The following IGSF11 variants were observed in gnomAD, a reference collection of about 807,000 sequenced individuals.
IGSF11 encodes the protein immunoglobulin superfamily member 11.
In IGSF11, 22 loss-of-function variants were observed where a neutral mutation model predicts 41.0. The observed-to-expected ratio is 0.54, with a 90% CI of 0.38 to 0.77. The LOEUF (loss-of-function observed/expected upper bound fraction) is 0.77, where lower values mean the gene tolerates loss of function less well. Among genes scored for constraint, IGSF11 ranks in the 30% least tolerant of loss-of-function variants. The pLI is 0.00. For missense variants in IGSF11, 444 were observed against 530.8 expected (o/e 0.84, Z 1.61); for synonymous variants, 219 against 201.3 (o/e 1.09, Z -0.74).
intron 1 of IGSF11, among the ~76,000 whole-genome samples, chr3:119,083,881 A>T (rs552374518): frequency 1.3e-5 from 2 of 152,200 alleles, no homozygotes; most frequent in South Asian, 4.1e-4. Flanking sequence ...TTAAAAATTT[A>T]ATGTAAATAG....
intron 1 of IGSF11, among the ~76,000 whole-genome samples, chr3:118,930,897 C>CA (rs368504718): frequency 0.011 from 1,699 of 152,144 alleles, 23 homozygotes; most frequent in Middle Eastern, 0.024. Flanking sequence ...TATAGAAAGA[C>CA]AAAGAACTAG....
At chr3:119,071,204 C>A (rs1456036291) in intron 1 of IGSF11, among the ~76,000 whole-genome samples, 4 of 152,258 alleles carry the variant, frequency 2.6e-5, no homozygotes, top group East Asian at 1.9e-4. Flanking sequence ...AGATAAGAGG[C>A]AAAATGGGCA....
intron 1 of IGSF11, among the ~76,000 whole-genome samples, chr3:118,976,281 T>C (rs1385030078): frequency 2.6e-5 from 4 of 152,240 alleles, no homozygotes; most frequent in Admixed American, 2.0e-4. Context: ...ATGAAGTCAA[T>C]GTCTTCTCCT....
chr3:119,049,803 G>A (rs368616737), intron 1 of IGSF11, among the ~76,000 whole-genome samples: 8 of 150,136 alleles, frequency 5.3e-5, no homozygotes, highest in Non-Finnish European at 7.4e-5. Flanking sequence ...AAACAGAGAT[G>A]TAGATCAATG....
intron 1 of IGSF11, among the ~76,000 whole-genome samples, chr3:118,942,279 C>T (rs1943755767): frequency 1.3e-5 from 2 of 152,148 alleles, no homozygotes; most frequent in Admixed American, 6.5e-5. Context: ...AAGAAAATTG[C>T]TGCAACTGTC....
At chr3:119,034,432 G>C (rs1208665472) in intron 1 of IGSF11, 99 bp downstream of exon 1, 1 of 1,197,344 alleles carries the variant, frequency 8.4e-7, no homozygotes, top group Non-Finnish European at 1.1e-6. Flanking sequence ...CCCGACCCTC[G>C]GCAAAGCAAG....
chr3:119,021,344 T>C (rs1939268910), intron 1 of IGSF11, among the ~76,000 whole-genome samples: 1 of 151,972 alleles, frequency 6.6e-6, no homozygotes, highest in South Asian at 2.1e-4. Flanking sequence ...GATATGACAG[T>C]GATAAAGATG....
At chr3:118,954,902 T>TA (rs1392682455) in intron 1 of IGSF11, among the ~76,000 whole-genome samples, 1 of 151,856 alleles carries the variant, frequency 6.6e-6, no homozygotes, top group African/African-American at 2.4e-5. Flanking sequence ...ATAAAAAAAA[T>TA]AGATATTGGC....
intron 1 of IGSF11, among the ~76,000 whole-genome samples, chr3:118,946,613 GT>G (rs1944163849): frequency 6.6e-6 from 1 of 152,118 alleles, no homozygotes; most frequent in South Asian, 2.1e-4. Flanking sequence ...TGTGTCCAAT[GT>G]ATGTCATACT....
chr3:119,020,319 G>T (rs565024788), intron 1 of IGSF11, among the ~76,000 whole-genome samples: 1 of 152,228 alleles, frequency 6.6e-6, no homozygotes, highest in South Asian at 2.1e-4. Flanking sequence ...CAGGAGCACT[G>T]CCTCAGACTC....
chr3:118,908,154 A>G (rs1366473067), intron 4 of IGSF11, among the ~76,000 whole-genome samples: 1 of 152,164 alleles, frequency 6.6e-6, no homozygotes, highest in African/African-American at 2.4e-5. Flanking sequence ...ACAATTTGGG[A>G]AATTTTAAAC....
chr3:119,078,289 A>G (rs1025492386), intron 1 of IGSF11, among the ~76,000 whole-genome samples: 2 of 152,258 alleles, frequency 1.3e-5, no homozygotes, highest in Non-Finnish European at 2.9e-5. Flanking sequence ...TACATTAACC[A>G]AAACAGCATG....
chr3:119,082,352 G>A (rs191653946), intron 1 of IGSF11, among the ~76,000 whole-genome samples: 181 of 152,216 alleles, frequency 1.2e-3, no homozygotes, highest in Non-Finnish European at 2.3e-3. Flanking sequence ...GAGCTTCCTG[G>A]CAGGCAATGC....
Position 119,034,763 on chromosome 3 carries a change from C to A in IGSF11, c.-181G>T, listed in dbSNP as rs1224899446. The A allele has an allele frequency of 1.1e-5, 15 of 1,310,502 alleles. No homozygotes were observed. The highest frequency in any genetic ancestry group is 1.5e-5 in the Non-Finnish European group (15 of 1,028,478). 81.2% of individuals were successfully genotyped at this position (1,310,502 alleles called of 1,614,324 possible). On this transcript the variant is annotated 5_prime_UTR_variant, in exon 1 of 7. Coordinates refer to ENST00000393775, the MANE Select transcript of IGSF11 (RefSeq NM_001015887.3). ...ACAGACGAGCCAAGTGCAGCTGCAGCGCCGCCCGGCTCCGCGGACGCTGAG... is the reference window on the plus strand; with the variant it reads ...ACAGACGAGCCAAGTGCAGCTGCAGAGCCGCCCGGCTCCGCGGACGCTGAG...
intron 1 of IGSF11, among the ~76,000 whole-genome samples, chr3:119,065,792 CAAAAAA>C (rs1193374379): frequency 5.3e-5 from 3 of 56,742 alleles, no homozygotes; most frequent in Non-Finnish European, 1.1e-4. Flanking sequence ...GACTCTGTCT[CAAAAAA>C]AAAAAAAAAA....
intron 1 of IGSF11, among the ~76,000 whole-genome samples, chr3:119,045,495 C>CG (rs1376258941): frequency 2.6e-5 from 4 of 152,118 alleles, no homozygotes; most frequent in South Asian, 2.1e-4. Flanking sequence ...GAGGGTCCTA[C>CG]TCCACGGAGT....
At chr3:118,969,350 G>C (rs766795394) in intron 1 of IGSF11, among the ~76,000 whole-genome samples, 2 of 152,168 alleles carry the variant, frequency 1.3e-5, no homozygotes, top group Non-Finnish European at 2.9e-5. Context: ...AATGTAAGTG[G>C]GAAAAGTATA....
intron 1 of IGSF11, among the ~76,000 whole-genome samples, chr3:118,931,386 TG>T (rs1942836025): frequency 6.6e-6 from 1 of 152,188 alleles, no homozygotes; most frequent in African/African-American, 2.4e-5. Context: ...TATCATGTCC[TG>T]AAAAGGAAAT....
intron 1 of IGSF11, among the ~76,000 whole-genome samples, chr3:119,077,379 A>G (rs1245033789): frequency 6.6e-6 from 1 of 152,066 alleles, no homozygotes; most frequent in Non-Finnish European, 1.5e-5. Context: ...TAACAAACCT[A>G]CACGTTGTGC....
Sources: gnomAD v4.1 joint callset for allele counts (sites outside exome capture counted in the v4.1 genomes callset) on GRCh38, gnomAD v4.1.1 for gene constraint, MANE v1.5 for transcripts, NCBI Gene and HGNC (gene_info 2026-07-23, HGNC 2026-07-21) for gene names.